ANK2: variants seen among roughly 807,000 people sequenced by gnomAD.
The protein encoded by ANK2 is ankyrin-2.
ANK2 carries 83 observed loss-of-function variants against 360.5 expected under a neutral mutation model. The ratio of observed to expected loss-of-function variants is 0.23; its 90% CI spans 0.19 to 0.28. The LOEUF (loss-of-function observed/expected upper bound fraction) is 0.28. Ranked by LOEUF, ANK2 falls within the 10% of genes least tolerant of loss-of-function variation. The pLI is 1.00. For synonymous variants in ANK2, 1,740 were observed against 1,759.5 expected (o/e 0.99, Z 0.28); for missense variants, 4,201 against 4,795.7 (o/e 0.88, Z 3.66).
intron 26 of ANK2, among the ~76,000 whole-genome samples, chr4:113,328,050 C>T (rs1214279901): frequency 6.6e-6 from 1 of 152,056 alleles, no homozygotes; most frequent in African/African-American, 2.4e-5. Flanking sequence ...GTTCTTCCAT[C>T]GAGGCTCCAT....
chr4:113,149,641 G>A (rs1396144208), intron 1 of ANK2, among the ~76,000 whole-genome samples: 3 of 151,836 alleles, frequency 2.0e-5, no homozygotes, highest in African/African-American at 4.8e-5. Flanking sequence ...TTGGGAGGCC[G>A]AGGCAGGCAG....
chr4:112,759,102 T>C, the ANK2 span, among the ~76,000 whole-genome samples: 7 of 152,282 alleles, frequency 4.6e-5, no homozygotes, highest in East Asian at 9.6e-4. Context: ...TAAAAAATAC[T>C]ATGGATTAGG....
Position 112,960,165 on chromosome 4 carries a change from G to A in ANK2, c.21+55651G>A, listed in dbSNP as rs931170006. On this transcript the variant is annotated intron_variant, in intron 2 of 30. Transcript: ENST00000503271. ...CTAACTTCTGAGTAAACCATACTGTGATAACGTAAAGCCCATCTGTGTCAG... is the reference window on the plus strand; with the variant it reads ...CTAACTTCTGAGTAAACCATACTGTAATAACGTAAAGCCCATCTGTGTCAG... 4.6e-5 allele frequency among the ~76,000 whole-genome samples: 7 copies of A among 152,290 alleles called. No homozygotes were observed. In the East Asian group the frequency reaches 7.7e-4, roughly 17 times the overall value.
intron 24 of ANK2, among the ~76,000 whole-genome samples, chr4:113,313,041 CATG>C (rs1201084351): frequency 6.6e-6 from 1 of 152,098 alleles, no homozygotes; most frequent in East Asian, 1.9e-4. Flanking sequence ...TGATGAATTT[CATG>C]ATTTAGGTGA....
At position 113,356,690 on chromosome 4, in the gene ANK2, C is replaced by T. The variant is rs145676284; in HGVS notation, c.8072C>T (p.Pro2691Leu). Reference sequence around the variant, plus strand: ...CCAGAACCAGTGATTCGAGTACAACCTCCTTCTCCACTTCCATCAAGCATG... The same window carrying T: ...CCAGAACCAGTGATTCGAGTACAACTTCCTTCTCCACTTCCATCAAGCATG... ...LLPEPVIRVQ[P>L]PSPLPSSMDS... The change falls in exon 38 of 46, where the codon CCT becomes CTT. Residue 2691 changes from proline (P) to leucine (L), a missense_variant. Transcript: ENST00000357077. 2.0e-5 allele frequency: 33 copies of T among 1,614,100 alleles called. No individual in the cohort carries two copies. The highest frequency in any genetic ancestry group is 2.0e-4 in the East Asian group (9 of 44,872).
Position 113,049,670 on chromosome 4 carries a change from TGGTCTGTACAG to T in ANK2, c.-57_-47del. 6.4e-7 allele frequency: 1 copy of T among 1,574,610 alleles called. No homozygotes were observed. Among genetic ancestry groups the T allele is most frequent in the South Asian group, 1.1e-5 (1 of 89,028 alleles). ...CCTCCAGTAAGTGCATACCCGCTAG[TGGTCTGTACAG>T]GCGGCACGGTTTGATGGCAGAGATA... On this transcript the variant is annotated 5_prime_UTR_variant, in exon 1 of 46. Coordinates refer to ENST00000357077, the MANE Select transcript of ANK2 (RefSeq NM_001148.6).
chr4:113,107,314 T>G (rs2093750506), intron 1 of ANK2, among the ~76,000 whole-genome samples: 1 of 152,140 alleles, frequency 6.6e-6, no homozygotes, highest in African/African-American at 2.4e-5. Context: ...TCTCCCAGGT[T>G]TAAACGATTC....
At chr4:112,992,387 AC>A (rs1191201466) in intron 2 of ANK2, among the ~76,000 whole-genome samples, 1 of 151,436 alleles carries the variant, frequency 6.6e-6, no homozygotes, top group Non-Finnish European at 1.5e-5. Context: ...CAAGTGATCC[AC>A]CCTCCTTGGC....
intron 45 of ANK2, among the ~76,000 whole-genome samples, chr4:113,379,549 A>G (rs975245038): frequency 1.3e-5 from 2 of 152,218 alleles, no homozygotes; most frequent in Admixed American, 6.5e-5. Context: ...CATCAATGCT[A>G]TAAAGGCTTC....
intron 2 of ANK2, among the ~76,000 whole-genome samples, chr4:113,035,178 T>A (rs2061323282): frequency 6.6e-6 from 1 of 151,734 alleles, no homozygotes; most frequent in Non-Finnish European, 1.5e-5. Context: ...TTTTTTTTTT[T>A]TGGTGTGTGC....
At chr4:112,805,329 A>C in the ANK2 span, among the ~76,000 whole-genome samples, 1 of 152,200 alleles carries the variant, frequency 6.6e-6, no homozygotes, top group African/African-American at 2.4e-5. Flanking sequence ...TTATGAAATG[A>C]GAGGAAACCA....
intron 2 of ANK2, among the ~76,000 whole-genome samples, chr4:113,183,291 A>G (rs938944577): frequency 6.6e-6 from 1 of 152,132 alleles, no homozygotes; most frequent in East Asian, 1.9e-4. Flanking sequence ...ATAGCAGTTG[A>G]GGGTAAGACA....
At position 113,285,642 on chromosome 4, in the gene ANK2, T is replaced by A. The variant is rs141905421; in HGVS notation, c.2080-1963T>A. Among the ~76,000 whole-genome samples the A allele has an allele frequency of 5.5e-3, 830 of 152,270 alleles. 8 individuals are homozygous for A. Among genetic ancestry groups the A allele is most frequent in the Non-Finnish European group, 9.5e-3 (648 of 68,010 alleles). On this transcript the variant is annotated intron_variant, in intron 18 of 45. Transcript: ENST00000357077. ...CCACCCTCCACAAGGAAGCTCCAAG[T>A]GTTCAGCTATCCAGAAGCTCCCCGA...
At chr4:113,048,274 ATATTTTT>A (rs2065372119), upstream of ANK2, among the ~76,000 whole-genome samples, 8 of 41,702 alleles carry the variant, frequency 1.9e-4, no homozygotes, top group Non-Finnish European at 3.1e-4. Flanking sequence ...ATATATATAT[ATATTTTT>A]TTTTTTTTTT....
intron 2 of ANK2, among the ~76,000 whole-genome samples, chr4:112,935,345 G>A (rs1024998170): frequency 1.3e-5 from 2 of 152,278 alleles, no homozygotes; most frequent in East Asian, 3.9e-4. Flanking sequence ...AACTGTGAAG[G>A]CAAATATATA....
intron 2 of ANK2, among the ~76,000 whole-genome samples, chr4:113,181,236 G>A (rs1466426098): frequency 2.0e-4 from 30 of 152,138 alleles, no homozygotes. Context: ...GTCTTATTAA[G>A]TACTCTCCGC....
chr4:113,299,972 A>G (rs536718263), intron 22 of ANK2, among the ~76,000 whole-genome samples: 16 of 152,218 alleles, frequency 1.1e-4, no homozygotes, highest in East Asian at 3.9e-4. Context: ...GTTTCTAATA[A>G]TTGTAATATG....
At chr4:112,991,087 TA>T (rs1320463389) in intron 2 of ANK2, among the ~76,000 whole-genome samples, 3 of 151,798 alleles carry the variant, frequency 2.0e-5, no homozygotes, top group South Asian at 2.1e-4. Flanking sequence ...CCGTCTCTAC[TA>T]AAAAATACAA....
At chr4:112,772,480 G>A in the ANK2 span, among the ~76,000 whole-genome samples, 1 of 152,066 alleles carries the variant, frequency 6.6e-6, no homozygotes, top group Non-Finnish European at 1.5e-5. Flanking sequence ...TTATTTTGGA[G>A]TAGCATATCC....
Sources: allele counts gnomAD v4.1 joint callset (sites outside exome capture counted in the v4.1 genomes callset), GRCh38; gene constraint gnomAD v4.1.1; transcripts MANE v1.5; gene names NCBI Gene and HGNC (gene_info 2026-07-23, HGNC 2026-07-21).